Variants in DDC observed in about 807,000 individuals in gnomAD.
The protein encoded by DDC is aromatic-L-amino-acid decarboxylase.
In DDC, 43 loss-of-function variants were observed where a neutral mutation model predicts 60.0. The observed-to-expected ratio is 0.72, with a 90% CI of 0.56 to 0.92. DDC has a LOEUF of 0.92. DDC is among the 40% of genes least tolerant of loss of function. DDC has a pLI of 0.00. For synonymous variants in DDC, 232 were observed against 234.6 expected (o/e 0.99, Z 0.10); for missense variants, 573 against 620.2 (o/e 0.92, Z 0.81).
At chr7:50,552,630 C>T (rs938377152) in intron 1 of DDC, among the ~76,000 whole-genome samples, 5 of 152,190 alleles carry the variant, frequency 3.3e-5, no homozygotes, top group Non-Finnish European at 7.3e-5. Flanking sequence ...ACACCCTTTG[C>T]TAATGGTGGG....
intron 6 of DDC, among the ~76,000 whole-genome samples, chr7:50,515,853 G>T (rs1329109108): frequency 6.6e-6 from 1 of 152,154 alleles, no homozygotes; most frequent in Non-Finnish European, 1.5e-5. Flanking sequence ...AATGGTAAAA[G>T]GCATTGTCCA....
intron 1 of DDC, among the ~76,000 whole-genome samples, chr7:50,547,464 G>T (rs1192520780): frequency 1.3e-5 from 2 of 152,142 alleles, no homozygotes; most frequent in Admixed American, 6.5e-5. Flanking sequence ...TGTTCTGTCT[G>T]CCTTGGCCTT....
chr7:50,561,527 G>A (rs2045344096), intron 1 of DDC, among the ~76,000 whole-genome samples: 1 of 152,156 alleles, frequency 6.6e-6, no homozygotes, highest in Non-Finnish European at 1.5e-5. Context: ...AGTGAAGTGA[G>A]ATGTAGATTA....
At chr7:50,541,936 G>A (rs890656827) in intron 2 of DDC, among the ~76,000 whole-genome samples, 3 of 152,078 alleles carry the variant, frequency 2.0e-5, no homozygotes, top group Admixed American at 6.5e-5. Context: ...TAACAACCAC[G>A]GCCACCCCAA....
chr7:50,498,827 T>G (rs2043180578), intron 8 of DDC, among the ~76,000 whole-genome samples: 1 of 152,262 alleles, frequency 6.6e-6, no homozygotes, highest in Admixed American at 6.5e-5. Context: ...TATTTTAAAT[T>G]ACTCTTTTGA....
chr7:50,485,003 C>CTA (rs1364411050), intron 9 of DDC, among the ~76,000 whole-genome samples: 1 of 152,092 alleles, frequency 6.6e-6, no homozygotes, highest in African/African-American at 2.4e-5. Flanking sequence ...AAAACAAGTT[C>CTA]TAGAATCAAG....
At chr7:50,533,542 G>A (rs574081380) in intron 4 of DDC, among the ~76,000 whole-genome samples, 14 of 152,190 alleles carry the variant, frequency 9.2e-5, no homozygotes, top group East Asian at 1.9e-4. Flanking sequence ...TGATCCACCC[G>A]CCTTGGCCTC....
intron 9 of DDC, among the ~76,000 whole-genome samples, chr7:50,494,335 G>A (rs899150826): frequency 2.0e-5 from 3 of 152,012 alleles, no homozygotes; most frequent in East Asian, 1.9e-4. Flanking sequence ...GTGAAACCTC[G>A]TCTCTACTAA....
chr7:50,549,128 T>C (rs1253893151), intron 1 of DDC, among the ~76,000 whole-genome samples: 1 of 152,236 alleles, frequency 6.6e-6, no homozygotes, highest in Non-Finnish European at 1.5e-5. Flanking sequence ...TCATTGACAA[T>C]GCACCTGGTC....
intron 6 of DDC, among the ~76,000 whole-genome samples, chr7:50,510,148 T>C (rs1043257997): frequency 5.3e-5 from 8 of 152,042 alleles, no homozygotes; most frequent in African/African-American, 1.9e-4. Context: ...ATTTTGTTTT[T>C]GTATTTTCAG....
chr7:50,462,740 A>T (rs1277102272), intron 14 of DDC, among the ~76,000 whole-genome samples: 1 of 150,814 alleles, frequency 6.6e-6, no homozygotes, highest in Non-Finnish European at 1.5e-5. Context: ...CTACTTCTCC[A>T]GAATTAACAT....
intron 8 of DDC, 55 bp downstream of exon 8, chr7:50,499,093 G>T: frequency 7.6e-7 from 1 of 1,323,876 alleles, no homozygotes; most frequent in Non-Finnish European, 1.1e-6. Flanking sequence ...GAAGGGAGAG[G>T]TCAATAACAG....
chr7:50,502,146 A>G (rs1186170461), intron 7 of DDC, among the ~76,000 whole-genome samples: 1 of 152,174 alleles, frequency 6.6e-6, no homozygotes, highest in Non-Finnish European at 1.5e-5. Context: ...GGGTTTTGGC[A>G]TTCACCCATG....
At chr7:50,463,572 G>A (rs2042333283) in intron 13 of DDC, 141 bp from the exon 14 acceptor site, 2 of 753,696 alleles carry the variant, frequency 2.7e-6, no homozygotes, top group Non-Finnish European at 2.3e-6. Context: ...CGTTTACGAT[G>A]TTACAAAATT....
chr7:50,539,122 A>G (rs1028498700), intron 3 of DDC: 2 of 152,922 alleles, frequency 1.3e-5, no homozygotes, highest in Non-Finnish European at 2.9e-5. Context: ...AGCATGCCAC[A>G]TAGACCGATG....
chr7:50,553,138 C>T (rs967499230), intron 1 of DDC, among the ~76,000 whole-genome samples: 5 of 152,190 alleles, frequency 3.3e-5, no homozygotes, highest in Admixed American at 6.5e-5. Flanking sequence ...CTCACAAGCC[C>T]GGAGTGGGGA....
At chr7:50,532,641 C>T (rs2044254125) in intron 4 of DDC, among the ~76,000 whole-genome samples, 1 of 152,176 alleles carries the variant, frequency 6.6e-6, no homozygotes, top group Non-Finnish European at 1.5e-5. Context: ...GACAATAACA[C>T]AAAGCACAAG....
At chr7:50,512,220 G>T (rs905483283) in intron 6 of DDC, among the ~76,000 whole-genome samples, 1 of 152,072 alleles carries the variant, frequency 6.6e-6, no homozygotes, top group Admixed American at 6.6e-5. Flanking sequence ...TAACACCAAT[G>T]AAAATAAAGC....
chr7:50,467,352 G>A, intron 12 of DDC, 37 bp from the exon 13 acceptor site: 1 of 1,551,326 alleles, frequency 6.4e-7, no homozygotes, highest in Non-Finnish European at 8.9e-7. Context: ...TTTTCTCATG[G>A]CCATTTAATT....
Sources: allele counts gnomAD v4.1 joint callset (sites outside exome capture counted in the v4.1 genomes callset), GRCh38; gene constraint gnomAD v4.1.1; transcripts MANE v1.5; gene names NCBI Gene and HGNC (gene_info 2026-07-23, HGNC 2026-07-21).